The following THEMIS variants were observed in gnomAD, a reference collection of about 807,000 sequenced individuals.
The protein encoded by THEMIS is protein THEMIS.
THEMIS carries 37 observed loss-of-function variants against 52.6 expected under a neutral mutation model. The observed-to-expected ratio is 0.70, with a 90% CI of 0.54 to 0.93. The LOEUF (loss-of-function observed/expected upper bound fraction) is 0.93, where lower values mean the gene tolerates loss of function less well. THEMIS is among the 40% of genes least tolerant of loss of function. THEMIS has a pLI of 0.00. For synonymous variants in THEMIS, 292 were observed against 272.7 expected (o/e 1.07, Z -0.70); for missense variants, 808 against 763.1 (o/e 1.06, Z -0.69).
intron 1 of THEMIS, among the ~76,000 whole-genome samples, chr6:127,868,048 A>G (rs1780038017): frequency 6.6e-6 from 1 of 152,206 alleles, no homozygotes; most frequent in African/African-American, 2.4e-5. Flanking sequence ...CATTTAATAG[A>G]TTTGTGACCT....
At chr6:127,817,350 C>A (rs904631116) in intron 3 of THEMIS, among the ~76,000 whole-genome samples, 2 of 152,120 alleles carry the variant, frequency 1.3e-5, no homozygotes, top group Admixed American at 1.3e-4. Flanking sequence ...AAAAAGTTTT[C>A]TATGTTAAAA....
chr6:127,903,229 C>T (rs779836400), upstream of THEMIS, among the ~76,000 whole-genome samples: 1 of 152,044 alleles, frequency 6.6e-6, no homozygotes, highest in African/African-American at 2.4e-5. Flanking sequence ...TGCTTTAGAC[C>T]AGATCGTAAT....
chr6:127,770,246 A>C (rs960220274), intron 4 of THEMIS, among the ~76,000 whole-genome samples: 1 of 152,218 alleles, frequency 6.6e-6, no homozygotes, highest in African/African-American at 2.4e-5. Flanking sequence ...CCAACGGTGT[A>C]AAAGCATTCG....
intron 3 of THEMIS, among the ~76,000 whole-genome samples, chr6:127,818,862 G>A (rs1176058045): frequency 2.0e-5 from 3 of 152,016 alleles, no homozygotes; most frequent in Non-Finnish European, 4.4e-5. Flanking sequence ...GCTCACGCCT[G>A]TAATCCCAGG....
intron 4 of THEMIS, among the ~76,000 whole-genome samples, chr6:127,772,456 G>A (rs986856227): frequency 6.6e-6 from 1 of 151,874 alleles, no homozygotes; most frequent in Non-Finnish European, 1.5e-5. Context: ...ACATACAATG[G>A]GGAAACAGGA....
At chr6:127,863,845 T>G (rs1779887409) in intron 1 of THEMIS, among the ~76,000 whole-genome samples, 1 of 152,176 alleles carries the variant, frequency 6.6e-6, no homozygotes, top group South Asian at 2.1e-4. Flanking sequence ...ACTAGCAATA[T>G]TTGGCTTTGC....
At chr6:127,704,576 T>G (rs532004654), downstream of THEMIS, among the ~76,000 whole-genome samples, 1 of 152,234 alleles carries the variant, frequency 6.6e-6, no homozygotes, top group African/African-American at 2.4e-5. Context: ...AGTAGGAGAC[T>G]GATATATGAC....
the THEMIS span, among the ~76,000 whole-genome samples, chr6:127,701,099 C>T: frequency 1.3e-5 from 2 of 152,048 alleles, no homozygotes; most frequent in Non-Finnish European, 2.9e-5. Context: ...ATAACCATAA[C>T]ACAGATTAAT....
At chr6:127,735,860 A>AT (rs1320973655) in intron 4 of THEMIS, among the ~76,000 whole-genome samples, 1 of 152,268 alleles carries the variant, frequency 6.6e-6, no homozygotes, top group East Asian at 1.9e-4. Context: ...ATCAGGGAAC[A>AT]TCAGGGAAAT....
At chr6:127,890,457 G>T (rs918390914) in intron 1 of THEMIS, among the ~76,000 whole-genome samples, 9 of 152,106 alleles carry the variant, frequency 5.9e-5, no homozygotes, top group Non-Finnish European at 1.2e-4. Context: ...AGGGGGTGAA[G>T]TGAGATTGGT....
At chr6:127,863,939 T>C (rs270042) in intron 1 of THEMIS, among the ~76,000 whole-genome samples, 100,175 of 151,958 alleles carry the variant, frequency 0.66, 33,254 homozygotes, top group East Asian at 0.83. Flanking sequence ...AATAATACCT[T>C]ATCAATAGCT....
At chr6:127,820,888 G>A (rs1300097550) in intron 3 of THEMIS, among the ~76,000 whole-genome samples, 1 of 151,858 alleles carries the variant, frequency 6.6e-6, no homozygotes, top group Non-Finnish European at 1.5e-5. Context: ...AGGTTACCTA[G>A]AATTTGGCAA....
At chr6:127,823,442 T>G (rs1222961284) in intron 3 of THEMIS, among the ~76,000 whole-genome samples, 1 of 152,130 alleles carries the variant, frequency 6.6e-6, no homozygotes, top group Admixed American at 6.5e-5. Flanking sequence ...AACCCCCTTG[T>G]TACCTAAAGA....
chr6:127,903,673 T>A (rs548283550), upstream of THEMIS, among the ~76,000 whole-genome samples: 367 of 151,004 alleles, frequency 2.4e-3, no homozygotes, highest in Non-Finnish European at 2.7e-3. Flanking sequence ...AAAAAACTAA[T>A]AATATATTTG....
At chr6:127,875,246 T>C in intron 1 of THEMIS, among the ~76,000 whole-genome samples, 1 of 152,232 alleles carries the variant, frequency 6.6e-6, no homozygotes, top group East Asian at 1.9e-4. Flanking sequence ...GAATCTGCAT[T>C]CATCTCAAAA....
chr6:127,878,613 C>A (rs1780386269), intron 1 of THEMIS, among the ~76,000 whole-genome samples: 2 of 152,114 alleles, frequency 1.3e-5, no homozygotes, highest in African/African-American at 2.4e-5. Context: ...AGGTGAATGA[C>A]AAAATGGATT....
intron 1 of THEMIS, among the ~76,000 whole-genome samples, chr6:127,915,487 T>C (rs1364968919): frequency 1.3e-5 from 2 of 151,758 alleles, no homozygotes; most frequent in Admixed American, 6.6e-5. Context: ...GATTTGGTCA[T>C]ACTTACTAAG....
At chr6:127,741,923 C>A (rs1261306318) in intron 4 of THEMIS, among the ~76,000 whole-genome samples, 1 of 152,136 alleles carries the variant, frequency 6.6e-6, no homozygotes, top group Non-Finnish European at 1.5e-5. Context: ...CTAGGTGGAA[C>A]AGTCAAGAGG....
chr6:127,874,223 A>AT (rs1367751542), intron 1 of THEMIS, among the ~76,000 whole-genome samples: 12 of 152,180 alleles, frequency 7.9e-5, no homozygotes, highest in African/African-American at 2.9e-4. Flanking sequence ...CCAACACTTG[A>AT]GCTCATCACA....
Sources: gnomAD v4.1 joint callset for allele counts (sites outside exome capture counted in the v4.1 genomes callset) on GRCh38, gnomAD v4.1.1 for gene constraint, MANE v1.5 for transcripts, NCBI Gene and HGNC (gene_info 2026-07-23, HGNC 2026-07-21) for gene names.